The following FRMD4A variants were observed in gnomAD, a reference collection of about 807,000 sequenced individuals.
FRMD4A encodes FERM domain-containing protein 4A.
In FRMD4A, 29 loss-of-function variants were observed where a neutral mutation model predicts 129.1. The ratio of observed to expected loss-of-function variants is 0.22; its 90% CI spans 0.17 to 0.31. The LOEUF (loss-of-function observed/expected upper bound fraction) is 0.31. Among genes scored for constraint, FRMD4A ranks in the 10% least tolerant of loss-of-function variants. The pLI is 1.00. For synonymous variants in FRMD4A, 634 were observed against 571.6 expected, an observed-to-expected ratio of 1.11 and a Z score of -1.56; for missense variants, 1,272 against 1,375.8, an observed-to-expected ratio of 0.92 and a Z score of 1.19.
intron 3 of FRMD4A, among the ~76,000 whole-genome samples, chr10:13,853,554 AG>A (rs969012893): frequency 7.2e-5 from 11 of 152,202 alleles, no homozygotes; most frequent in Non-Finnish European, 1.3e-4. Context: ...AGTGGGGGCC[AG>A]GTGTGGTGGT....
intron 13 of FRMD4A, among the ~76,000 whole-genome samples, chr10:13,704,172 GAA>G (rs1364183092): frequency 1.3e-5 from 2 of 152,330 alleles, no homozygotes; most frequent in Admixed American, 6.5e-5. Flanking sequence ...ACTAGGATGT[GAA>G]AAAGAGAACT....
chr10:13,833,833 C>T (rs772371528), intron 3 of FRMD4A, among the ~76,000 whole-genome samples: 1 of 152,104 alleles, frequency 6.6e-6, no homozygotes, highest in Non-Finnish European at 1.5e-5. Context: ...CCGGCTATGA[C>T]ATAGTGGAGC....
At position 13,645,993 on chromosome 10, in the gene FRMD4A, T is replaced by C. The variant is rs1169318333; in HGVS notation, c.*1045A>G. On this transcript the variant is annotated 3_prime_UTR_variant, in exon 25 of 25. Coordinates refer to ENST00000357447, the MANE Select transcript of FRMD4A (RefSeq NM_018027.5). ...CTACAAATCCTGAAAGGAAAGCAGC[T>C]TTGAGTCTTGGGCTCGGCTGAACCC... 1 of 152,494 alleles carries C rather than the reference T, an allele frequency of 6.6e-6. No individual in the cohort carries two copies. Among genetic ancestry groups the C allele is most frequent in the African/African-American group, 2.4e-5 (1 of 41,454 alleles). The allele number at this position is 152,494 out of a possible 1,614,324, so 9.4% of individuals were successfully genotyped here.
intron 2 of FRMD4A, among the ~76,000 whole-genome samples, chr10:13,939,066 A>G (rs2095270801): frequency 6.6e-6 from 1 of 152,220 alleles, no homozygotes; most frequent in Non-Finnish European, 1.5e-5. Flanking sequence ...AAAAGTCAAT[A>G]GTACCAAGAT....
At chr10:13,874,480 G>C (rs1447238257) in intron 2 of FRMD4A, among the ~76,000 whole-genome samples, 7 of 151,978 alleles carry the variant, frequency 4.6e-5, no homozygotes, top group African/African-American at 1.7e-4. Context: ...CTATGGATTT[G>C]ACTACCATAA....
At chr10:13,809,051 T>C (rs2093403815) in intron 4 of FRMD4A, among the ~76,000 whole-genome samples, 1 of 152,098 alleles carries the variant, frequency 6.6e-6, no homozygotes, top group South Asian at 2.1e-4. Flanking sequence ...AACTCAGACA[T>C]GGAGTGTACC....
intron 2 of FRMD4A, among the ~76,000 whole-genome samples, chr10:14,128,789 A>T (rs948672524): frequency 1.3e-5 from 2 of 152,110 alleles, no homozygotes; most frequent in African/African-American, 4.8e-5. Context: ...TCACTGTCAG[A>T]CCCGACACCA....
intron 2 of FRMD4A, among the ~76,000 whole-genome samples, chr10:13,934,127 T>C (rs2095228206): frequency 6.6e-6 from 1 of 152,292 alleles, no homozygotes; most frequent in South Asian, 2.1e-4. Context: ...TAAAACACAT[T>C]GACTATGACA....
At chr10:14,100,598 T>A (rs1837250681) in intron 2 of FRMD4A, among the ~76,000 whole-genome samples, 1 of 152,142 alleles carries the variant, frequency 6.6e-6, no homozygotes. Flanking sequence ...TTTTATATAC[T>A]TGCCGGCCTT....
intron 2 of FRMD4A, among the ~76,000 whole-genome samples, chr10:13,966,155 G>T (rs1187140918): frequency 6.6e-6 from 1 of 152,128 alleles, no homozygotes. Flanking sequence ...CAGTAGCTGG[G>T]ATTACAGGTG....
chr10:13,982,623 G>A (rs2095566370), intron 2 of FRMD4A, among the ~76,000 whole-genome samples: 1 of 152,150 alleles, frequency 6.6e-6, no homozygotes, highest in South Asian at 2.1e-4. Context: ...GAAGAATCTA[G>A]ACAGACAGGC....
chr10:14,107,771 GA>G (rs1297466284), intron 2 of FRMD4A, among the ~76,000 whole-genome samples: 3 of 152,172 alleles, frequency 2.0e-5, no homozygotes, highest in Non-Finnish European at 4.4e-5. Flanking sequence ...GTACATAGAA[GA>G]GTTGCTCATT....
At chr10:14,089,640 C>CAAAAAAA (rs759243260) in intron 2 of FRMD4A, among the ~76,000 whole-genome samples, 4 of 70,250 alleles carry the variant, frequency 5.7e-5, no homozygotes, top group Admixed American at 1.6e-4. Context: ...CAAAAAAAAA[C>CAAAAAAA]AAACAAAAAA....
chr10:14,229,072 G>T (rs192033643), intron 2 of FRMD4A, among the ~76,000 whole-genome samples: 33 of 151,948 alleles, frequency 2.2e-4, no homozygotes, highest in African/African-American at 4.8e-5. Flanking sequence ...TAATGTTGGA[G>T]AAATGTTTTT....
intron 2 of FRMD4A, among the ~76,000 whole-genome samples, chr10:13,888,199 C>T (rs2094648213): frequency 1.3e-5 from 2 of 152,148 alleles, no homozygotes; most frequent in African/African-American, 4.8e-5. Flanking sequence ...AAGATAAAAT[C>T]CAGCACGCCC....
chr10:13,795,977 T>C (rs1564816797), intron 5 of FRMD4A, among the ~76,000 whole-genome samples: 1 of 152,162 alleles, frequency 6.6e-6, no homozygotes, highest in Non-Finnish European at 1.5e-5. Flanking sequence ...AAAATGCCTA[T>C]TGTTTCTGAA....
intron 2 of FRMD4A, among the ~76,000 whole-genome samples, chr10:14,225,487 C>T (rs1041141001): frequency 6.6e-6 from 1 of 152,194 alleles, no homozygotes; most frequent in African/African-American, 2.4e-5. Context: ...TCTATGGAAA[C>T]ACAGTGAAAA....
intron 2 of FRMD4A, among the ~76,000 whole-genome samples, chr10:14,090,991 G>A (rs968907416): frequency 8.5e-5 from 13 of 152,158 alleles, no homozygotes; most frequent in African/African-American, 3.1e-4. Flanking sequence ...ACATTTGACT[G>A]CCTTGTGAAA....
intron 4 of FRMD4A, 83 bp from the exon 5 acceptor site, chr10:13,796,671 C>A: frequency 2.8e-6 from 2 of 707,330 alleles, no homozygotes; most frequent in Non-Finnish European, 5.1e-6. Flanking sequence ...TGAAGCAGAA[C>A]GTGCTGGATC....
Sources: allele counts gnomAD v4.1 joint callset (sites outside exome capture counted in the v4.1 genomes callset), GRCh38; gene constraint gnomAD v4.1.1; transcripts MANE v1.5; gene names NCBI Gene and HGNC (gene_info 2026-07-23, HGNC 2026-07-21).